Variants in RTL4 observed in about 807,000 individuals in gnomAD.
The protein encoded by RTL4 is retrotransposon Gag like 4, also known as retrotransposon Gag-like protein 4.
A neutral mutation model predicts 5.3 loss-of-function variants in RTL4; 4 were observed. The observed-to-expected ratio is 0.75, with a 90% CI of 0.37 to 1.72. The LOEUF is 1.72. Among genes scored for constraint, RTL4 ranks in the 40% most tolerant of loss-of-function variants. RTL4 has a pLI of 0.04. For synonymous variants in RTL4, 98 were observed against 87.3 expected, an observed-to-expected ratio of 1.12 and a Z score of -0.68; for missense variants, 260 against 227.1, an observed-to-expected ratio of 1.14 and a Z score of -0.93.
At chrX:112,243,161 T>C in the RTL4 span, among the ~76,000 whole-genome samples, 1 of 111,334 alleles carries the variant, frequency 9.0e-6, no homozygotes, top group South Asian at 3.8e-4. Context: ...TCTTTTTTGT[T>C]GTTGTTGTGT....
At chrX:112,183,870 T>C in the RTL4 span, among the ~76,000 whole-genome samples, 13 of 111,864 alleles carry the variant, frequency 1.2e-4, no homozygotes, top group African/African-American at 4.2e-4. Flanking sequence ...ATCCAGTCTA[T>C]CATTGATGGA....
At chrX:112,361,053 C>T in the RTL4 span, among the ~76,000 whole-genome samples, 193 of 111,665 alleles carry the variant, frequency 1.7e-3, no homozygotes, top group African/African-American at 6.0e-3. Flanking sequence ...TAGCACTTCA[C>T]ATAACAAAGA....
At chrX:112,169,947 T>C in the RTL4 span, among the ~76,000 whole-genome samples, 62 of 112,235 alleles carry the variant, frequency 5.5e-4, no homozygotes, top group African/African-American at 1.9e-3. Context: ...TTTAAGAAAG[T>C]GCATGATCCA....
the RTL4 span, among the ~76,000 whole-genome samples, chrX:112,376,271 C>A: frequency 9.0e-6 from 1 of 111,452 alleles, no homozygotes; most frequent in African/African-American, 3.3e-5. Flanking sequence ...ATGGAATATC[C>A]AAATATGTCA....
At chrX:112,355,832 A>G in the RTL4 span, among the ~76,000 whole-genome samples, 258 of 111,611 alleles carry the variant, frequency 2.3e-3, 1 homozygote, top group African/African-American at 7.5e-3. Context: ...GAATTTTTTT[A>G]TCTCCTCATG....
At chrX:112,245,938 CTTCT>C in the RTL4 span, among the ~76,000 whole-genome samples, 2 of 112,443 alleles carry the variant, frequency 1.8e-5, no homozygotes, top group African/African-American at 6.5e-5. Context: ...GTTAGTTTTC[CTTCT>C]AACAGTCAGG....
the RTL4 span, among the ~76,000 whole-genome samples, chrX:112,250,133 G>C: frequency 9.1e-6 from 1 of 110,254 alleles, no homozygotes; most frequent in Admixed American, 9.6e-5. Context: ...CAAAAAATTA[G>C]CTGGGCGTGG....
At chrX:112,289,941 GAGTA>G in the RTL4 span, among the ~76,000 whole-genome samples, 1 of 111,300 alleles carries the variant, frequency 9.0e-6, no homozygotes, top group South Asian at 3.8e-4. Context: ...GGTATACAGA[GAGTA>G]AGTGAGAGCT....
chrX:112,165,723 C>T, the RTL4 span, among the ~76,000 whole-genome samples: 1 of 111,639 alleles, frequency 9.0e-6, no homozygotes, highest in African/African-American at 3.3e-5. Flanking sequence ...CCAAAAGAGA[C>T]CTTTTAGGAA....
chrX:112,346,853 G>T, the RTL4 span, among the ~76,000 whole-genome samples: 15 of 111,570 alleles, frequency 1.3e-4, no homozygotes, highest in African/African-American at 4.9e-4. Flanking sequence ...GTTGCTACTA[G>T]TAGTTTTTAG....
chrX:112,435,312 G>C, the RTL4 span, among the ~76,000 whole-genome samples: 1 of 111,772 alleles, frequency 8.9e-6, no homozygotes, highest in Non-Finnish European at 1.9e-5. Context: ...TTCAGAACAT[G>C]CTCAGATTGA....
At chrX:112,122,868 C>G in the RTL4 span, among the ~76,000 whole-genome samples, 1 of 110,782 alleles carries the variant, frequency 9.0e-6, no homozygotes, top group African/African-American at 3.3e-5. Context: ...TAATGACTGT[C>G]AATTTATTAT....
At chrX:112,326,260 G>A in the RTL4 span, among the ~76,000 whole-genome samples, 4 of 111,680 alleles carry the variant, frequency 3.6e-5, no homozygotes, top group African/African-American at 1.3e-4. Context: ...TCTCACTAGG[G>A]AGTGCCAGAC....
At chrX:112,402,400 TTG>T in the RTL4 span, among the ~76,000 whole-genome samples, 8,131 of 87,219 alleles carry the variant, frequency 0.093, 638 homozygotes, top group African/African-American at 0.23. Context: ...GGAATTATTA[TTG>T]TGTGTGTGTG....
the RTL4 span, among the ~76,000 whole-genome samples, chrX:112,349,427 C>A: frequency 2.7e-5 from 3 of 110,810 alleles, no homozygotes; most frequent in African/African-American, 6.5e-5. Context: ...GATGGGGATA[C>A]CATTGAATCT....
chrX:112,365,393 CA>C, the RTL4 span, among the ~76,000 whole-genome samples: 2 of 110,747 alleles, frequency 1.8e-5, no homozygotes, highest in South Asian at 7.7e-4. Flanking sequence ...TGTAAGAAGT[CA>C]ATCATTTCAT....
the RTL4 span, among the ~76,000 whole-genome samples, chrX:112,144,792 A>G: frequency 1.8e-5 from 2 of 111,676 alleles, no homozygotes; most frequent in African/African-American, 6.5e-5. Flanking sequence ...TCTCCCATGT[A>G]GCTGAATAAC....
At chrX:112,128,378 T>C in the RTL4 span, among the ~76,000 whole-genome samples, 2 of 111,222 alleles carry the variant, frequency 1.8e-5, no homozygotes, top group African/African-American at 6.5e-5. Flanking sequence ...AAGAATGAAC[T>C]TGGGGCCCGG....
At chrX:112,316,271 G>A in the RTL4 span, among the ~76,000 whole-genome samples, 30 of 111,859 alleles carry the variant, frequency 2.7e-4, 2 homozygotes, top group African/African-American at 9.1e-4. Flanking sequence ...CAATAATCCT[G>A]TTGTTTTGGG....
Sources: gnomAD v4.1 joint callset for allele counts (sites outside exome capture counted in the v4.1 genomes callset) on GRCh38, gnomAD v4.1.1 for gene constraint, MANE v1.5 for transcripts, NCBI Gene and HGNC (gene_info 2026-07-23, HGNC 2026-07-21) for gene names.